JAKMIP1: variants seen among roughly 807,000 people sequenced by gnomAD.
JAKMIP1 encodes janus kinase and microtubule-interacting protein 1.
In JAKMIP1, 33 loss-of-function variants were observed where a neutral mutation model predicts 113.0. That is an observed-to-expected ratio of 0.29 (90% CI 0.22 to 0.39). The LOEUF (loss-of-function observed/expected upper bound fraction) is 0.39. JAKMIP1 is among the 10% of genes least tolerant of loss of function. The probability of loss-of-function intolerance (pLI) is 1.00; values close to 1 mark genes in which losing one functional copy is unlikely to be tolerated. For missense variants in JAKMIP1, 813 were observed against 1,080.5 expected (o/e 0.75, Z 3.47); for synonymous variants, 480 against 459.9 (o/e 1.04, Z -0.56).
intron 8 of JAKMIP1, among the ~76,000 whole-genome samples, chr4:6,070,788 C>T (rs965794128): frequency 6.6e-6 from 1 of 152,184 alleles, no homozygotes; most frequent in Non-Finnish European, 1.5e-5. Flanking sequence ...ATCAATTTGT[C>T]AGCGTTTTAC....
intron 1 of JAKMIP1, among the ~76,000 whole-genome samples, chr4:6,131,173 A>AAAAAAG (rs71173409): frequency 3.1e-5 from 3 of 95,490 alleles, no homozygotes; most frequent in East Asian, 3.6e-4. Context: ...AAAAAAAAAA[A>AAAAAAG]AATATCCCAG....
chr4:6,101,876 A>G (rs537037378), intron 3 of JAKMIP1, among the ~76,000 whole-genome samples: 83 of 148,444 alleles, frequency 5.6e-4, no homozygotes, highest in Non-Finnish European at 9.9e-4. Flanking sequence ...ACTGCACTCC[A>G]GCCTGAGCAA....
Position 6,064,787 on chromosome 4 carries a change from G to T in JAKMIP1, c.1431+93C>A. Reference sequence around the variant, plus strand: ...GGTCATCTGGGGTTCAGAACTATAGGCAAGGGAGCGAAACTTGCAACTATC... The same window carrying T: ...GGTCATCTGGGGTTCAGAACTATAGTCAAGGGAGCGAAACTTGCAACTATC... On this transcript the variant is annotated intron_variant, in intron 9 of 20. Transcript: ENST00000409021. This position sits in a 1 kb window ranked among gnomAD's most constrained non-coding sequence, Gnocchi z 4.3. The T allele has an allele frequency of 1.3e-6, 2 of 1,535,684 alleles. No individual in the cohort carries two copies. Among genetic ancestry groups the T allele is most frequent in the Non-Finnish European group, 8.9e-7 (1 of 1,118,794 alleles).
In JAKMIP1 at chr4:6,138,411, A is replaced by G. The variant is rs1266273229; in HGVS notation, c.-147-25414T>C. Among the ~76,000 whole-genome samples the G allele has an allele frequency of 6.6e-6, 1 of 151,688 alleles. No homozygotes were observed. Among genetic ancestry groups the G allele is most frequent in the African/African-American group, 2.4e-5 (1 of 41,246 alleles). ...TACACCACACCTGGCTCATTTTTGT[A>G]TTTTTAGTAGAGATGGGGTTTCGCC... On this transcript the variant is annotated intron_variant, in intron 1 of 20. Transcript: ENST00000409021. The surrounding 1 kb of genome is among the most constrained non-coding windows in gnomAD (Gnocchi z 6.0).
At position 6,172,020 on chromosome 4, in the gene JAKMIP1, C is replaced by T. The variant is rs191214916; in HGVS notation, c.-148+28233G>A. Among the ~76,000 whole-genome samples, 285 of 152,310 alleles carry T rather than the reference C, an allele frequency of 1.9e-3. 1 individual carries two copies. Among genetic ancestry groups the T allele is most frequent in the Middle Eastern group, 3.4e-3 (1 of 294 alleles). ...TTCCATCTTCCCACAAGCTCCCCCA[C>T]GTGATACCTGATTGTTGTTCCCTGG... On this transcript the variant is annotated intron_variant, in intron 1 of 20. Coordinates refer to ENST00000409021, the MANE Select transcript of JAKMIP1 (RefSeq NM_001099433.2).
At chr4:6,130,028 C>T (rs1218157699) in intron 1 of JAKMIP1, among the ~76,000 whole-genome samples, 1 of 152,252 alleles carries the variant, frequency 6.6e-6, no homozygotes, top group Non-Finnish European at 1.5e-5. Flanking sequence ...TGGGACACCT[C>T]TGGCCTCATG....
chr4:6,132,205 A>G (rs1718602532), intron 1 of JAKMIP1, among the ~76,000 whole-genome samples: 1 of 152,232 alleles, frequency 6.6e-6, no homozygotes, highest in African/African-American at 2.4e-5. Context: ...TCCACTACAC[A>G]GGAAGCAGTG....
intron 1 of JAKMIP1, among the ~76,000 whole-genome samples, chr4:6,160,982 C>T (rs1722849023): frequency 6.9e-6 from 1 of 145,686 alleles, no homozygotes. Context: ...GACCTCCACT[C>T]ACCTCCCTGA....
chr4:6,198,746 A>T (rs1728109017), intron 1 of JAKMIP1, among the ~76,000 whole-genome samples: 1 of 152,172 alleles, frequency 6.6e-6, no homozygotes, highest in Non-Finnish European at 1.5e-5. Context: ...CTGCTAGGAA[A>T]GGATTCTAAT....
At chr4:6,048,752 T>A in intron 16 of JAKMIP1, 105 bp downstream of exon 16, 3 of 915,572 alleles carry the variant, frequency 3.3e-6, no homozygotes, top group South Asian at 2.8e-5. Flanking sequence ...GCAGACGGAC[T>A]GGAACGCATG....
At chr4:6,071,215 AC>A (rs1257177705) in intron 8 of JAKMIP1, among the ~76,000 whole-genome samples, 1 of 152,110 alleles carries the variant, frequency 6.6e-6, no homozygotes, top group African/African-American at 2.4e-5. Context: ...ATGAGGCACC[AC>A]CCGGCCAGGT....
chr4:6,180,405 A>G lies in JAKMIP1; in HGVS notation c.-148+19848T>C, dbSNP rs1725884368. Among the ~76,000 whole-genome samples the G allele has an allele frequency of 6.6e-6, 1 of 152,208 alleles. No individual in the cohort carries two copies. The highest frequency in any genetic ancestry group is 1.5e-5 in the Non-Finnish European group (1 of 68,032). On this transcript the variant is annotated intron_variant, in intron 1 of 20. Coordinates refer to ENST00000409021, the MANE Select transcript of JAKMIP1 (RefSeq NM_001099433.2). The surrounding 1 kb of genome is among the most constrained non-coding windows in gnomAD (Gnocchi z 4.5). The stretch of plus-strand genomic sequence containing the variant: ...ATTGAGATTTTCACTATAAAATCTT[A>G]TCAGCTGCTGAACAGGAGAGAAACT...
rs1722447744 is a variant in JAKMIP1, at chr4:6,157,948, CT to C, written c.-148+42304del. Among the ~76,000 whole-genome samples, 1 of 152,240 alleles carries C rather than the reference CT, an allele frequency of 6.6e-6. No homozygotes were observed. Among genetic ancestry groups the C allele is most frequent in the African/African-American group, 2.4e-5 (1 of 41,460 alleles). On this transcript the variant is annotated intron_variant, in intron 1 of 20. Transcript: ENST00000409021. This position sits in a 1 kb window ranked among gnomAD's most constrained non-coding sequence, Gnocchi z 4.7. ...CACTAACTCCTGATGCAACAGCTTT[CT>C]TTCTATGGATCACTTCATTCTCCCA... is the stretch of plus-strand genomic sequence containing the variant.
chr4:6,037,146 C>A (rs866337644), intron 18 of JAKMIP1, among the ~76,000 whole-genome samples: 2 of 141,540 alleles, frequency 1.4e-5, no homozygotes, highest in African/African-American at 6.0e-5. Context: ...AGAGGTTAAC[C>A]CAGTAGCCCT....
chr4:6,169,961 TCAC>T lies in JAKMIP1; in HGVS notation c.-148+30289_-148+30291del, dbSNP rs1244148166. On this transcript the variant is annotated intron_variant, in intron 1 of 20. Coordinates refer to ENST00000409021, the MANE Select transcript of JAKMIP1 (RefSeq NM_001099433.2). ...GATACTACCACTACCATCACTCTCATCACCACCACCACCACCACTACCACCACC... is the reference window on the plus strand; with the variant it reads ...GATACTACCACTACCATCACTCTCATCACCACCACCACCACTACCACCACC... Among the ~76,000 whole-genome samples, 843 of 146,000 alleles carry T rather than the reference TCAC, an allele frequency of 5.8e-3. 12 individuals carry two copies. The highest frequency in any genetic ancestry group is 0.02 in the African/African-American group (790 of 38,602).
rs73075445 is a variant in JAKMIP1, at chr4:6,156,943, C to T, written c.-148+43310G>A. Reference sequence around the variant, plus strand: ...AGTTCCATGGCTAGTGGTTTGAATGCGTCCCTCAAAGTTCACTGTTAATCC... The same window carrying T: ...AGTTCCATGGCTAGTGGTTTGAATGTGTCCCTCAAAGTTCACTGTTAATCC... On this transcript the variant is annotated intron_variant, in intron 1 of 20. Coordinates refer to ENST00000409021, the MANE Select transcript of JAKMIP1 (RefSeq NM_001099433.2). The surrounding 1 kb of genome is among the most constrained non-coding windows in gnomAD (Gnocchi z 5.0). Among the ~76,000 whole-genome samples the T allele has an allele frequency of 0.076, 11,538 of 152,260 alleles. 1,156 individuals are homozygous for T. Among genetic ancestry groups the T allele is most frequent in the African/African-American group, 0.22 (9,216 of 41,510 alleles).
chr4:6,170,832 ACAC>A (rs1724516779), intron 1 of JAKMIP1, among the ~76,000 whole-genome samples: 2 of 72,160 alleles, frequency 2.8e-5, no homozygotes, highest in South Asian at 9.1e-4. Flanking sequence ...CAGAACCACC[ACAC>A]CACCACCACC....
chr4:6,054,092 C>T lies in JAKMIP1; in HGVS notation c.1764G>A (p.Lys588=). The change falls in exon 13 of 21, where the codon AAG becomes AAA. Residue 588 remains lysine (K), a synonymous_variant. Transcript: ENST00000409021. The part of the protein sequence containing the change: ...NQLKNEMQDA[K]DQNELLEFRV... ...TGAATTCTAACAGCTCGTTCTGATC[C>T]TTGGCGTCTTGCATTTCATTCTTCA... The T allele has an allele frequency of 6.2e-7, 1 of 1,614,128 alleles. No homozygotes were observed. Among genetic ancestry groups the T allele is most frequent in the Non-Finnish European group, 8.5e-7 (1 of 1,179,966 alleles).
chr4:6,192,376 T>A lies in JAKMIP1; in HGVS notation c.-148+7877A>T, dbSNP rs1167606995. ...GGTGGCCTCAGGACAAGTGTATGAG[T>A]CACCTGGCATTAGGAAACTCATTCA... On this transcript the variant is annotated intron_variant, in intron 1 of 20. Coordinates refer to ENST00000409021, the MANE Select transcript of JAKMIP1 (RefSeq NM_001099433.2). The surrounding 1 kb of genome is among the most constrained non-coding windows in gnomAD (Gnocchi z 5.0). Among the ~76,000 whole-genome samples the A allele has an allele frequency of 2.0e-5, 3 of 152,110 alleles. No homozygotes were observed. The highest frequency in any genetic ancestry group is 2.0e-4 in the Admixed American group (3 of 15,268).
Sources: allele counts gnomAD v4.1 joint callset (sites outside exome capture counted in the v4.1 genomes callset), GRCh38; gene constraint gnomAD v4.1.1; non-coding constraint Gnocchi (gnomAD v3.1); transcripts MANE v1.5; gene names NCBI Gene and HGNC (gene_info 2026-07-23, HGNC 2026-07-21).